The following SLC5A11 variants were observed in gnomAD, a reference collection of about 807,000 sequenced individuals.
SLC5A11 encodes sodium/myo-inositol cotransporter 2.
SLC5A11 carries 48 observed loss-of-function variants against 69.8 expected under a neutral mutation model. The ratio of observed to expected loss-of-function variants is 0.69; its 90% CI spans 0.55 to 0.87. SLC5A11 has a LOEUF of 0.87. Among genes scored for constraint, SLC5A11 ranks in the 40% least tolerant of loss-of-function variants. SLC5A11 has a pLI of 0.00. For synonymous variants in SLC5A11, 319 were observed against 342.4 expected (o/e 0.93, Z 0.75); for missense variants, 784 against 866.1 (o/e 0.91, Z 1.19).
intron 7 of SLC5A11, among the ~76,000 whole-genome samples, chr16:24,878,056 G>A (rs2047798981): frequency 6.6e-6 from 1 of 152,210 alleles, no homozygotes; most frequent in South Asian, 2.1e-4. Context: ...AGGAGGCTGA[G>A]GCAGGAGAAT....
At chr16:24,861,523 G>A (rs565700583) in intron 2 of SLC5A11, among the ~76,000 whole-genome samples, 33 of 148,538 alleles carry the variant, frequency 2.2e-4, no homozygotes, top group African/African-American at 7.9e-4. Context: ...GGAAGGAAGG[G>A]AAGGGAAGGG....
chr16:24,876,566 A>G (rs2047689082), intron 6 of SLC5A11, among the ~76,000 whole-genome samples: 1 of 152,052 alleles, frequency 6.6e-6, no homozygotes, highest in Non-Finnish European at 1.5e-5. Flanking sequence ...GTCCTATGGG[A>G]AGGGGTGAGG....
intron 7 of SLC5A11, among the ~76,000 whole-genome samples, chr16:24,881,871 G>A (rs532325683): frequency 9.2e-5 from 14 of 152,256 alleles, no homozygotes; most frequent in Non-Finnish European, 1.5e-4. Context: ...TGGAGAAAAG[G>A]GCAGGGACCA....
chr16:24,850,878 T>G (rs1013688307), intron 1 of SLC5A11, among the ~76,000 whole-genome samples: 1 of 151,900 alleles, frequency 6.6e-6, no homozygotes, highest in Admixed American at 6.6e-5. Flanking sequence ...TGGTGAAATT[T>G]CAGCTCACTG....
rs750151143 is a variant in SLC5A11, at chr16:24,884,148, G to A, written c.664+17G>A. On this transcript the variant is annotated intron_variant, in intron 8 of 15. Coordinates refer to ENST00000347898, the Ensembl canonical transcript of SLC5A11. Reference sequence around the variant, plus strand: ...TGGGCTACAGTAAGTGGGGTCCCCGGGTCACTGGGGCGGACAACAGCACCT... The same window carrying A: ...TGGGCTACAGTAAGTGGGGTCCCCGAGTCACTGGGGCGGACAACAGCACCT... 6.2e-7 allele frequency: 1 copy of A among 1,613,022 alleles called. No individual in the cohort carries two copies. Among genetic ancestry groups the A allele is most frequent in the South Asian group, 1.1e-5 (1 of 91,032 alleles).
chr16:24,911,530 T>C, exon 16 of SLC5A11: 1 of 1,614,104 alleles, frequency 6.2e-7, no homozygotes, highest in East Asian at 2.2e-5. Context: ...GCTATTTTGC[T>C]TAGTGTGGGG....
At chr16:24,909,222 CA>C in intron 14 of SLC5A11, 126 bp downstream of exon 15, 1 of 929,226 alleles carries the variant, frequency 1.1e-6, no homozygotes, top group Non-Finnish European at 1.6e-6. Context: ...GGTTGAGGTT[CA>C]GGGGCAGGAT....
At chr16:24,857,106 CA>C (rs2059569738) in intron 1 of SLC5A11, among the ~76,000 whole-genome samples, 1 of 152,218 alleles carries the variant, frequency 6.6e-6, no homozygotes, top group Admixed American at 6.5e-5. Context: ...AGGCATGAGC[CA>C]CTGAGCCCGG....
chr16:24,874,491 G>A (rs1236462729), intron 5 of SLC5A11, among the ~76,000 whole-genome samples: 2 of 152,122 alleles, frequency 1.3e-5, no homozygotes, highest in Non-Finnish European at 2.9e-5. Context: ...GCGTATCCTT[G>A]GTTACATTTT....
At chr16:24,909,329 C>A (rs2050317637) in intron 14 of SLC5A11, among the ~76,000 whole-genome samples, 1 of 152,096 alleles carries the variant, frequency 6.6e-6, no homozygotes, top group Non-Finnish European at 1.5e-5. Flanking sequence ...GAGATACATC[C>A]TCTTTTACTG....
intron 1 of SLC5A11, among the ~76,000 whole-genome samples, chr16:24,857,896 G>A (rs1030764829): frequency 6.6e-6 from 1 of 152,214 alleles, no homozygotes; most frequent in Non-Finnish European, 1.5e-5. Flanking sequence ...TCTACCACAA[G>A]ATTTCCTTAA....
intron 3 of SLC5A11, among the ~76,000 whole-genome samples, chr16:24,867,490 A>G (rs2046989255): frequency 6.6e-6 from 1 of 152,108 alleles, no homozygotes; most frequent in Non-Finnish European, 1.5e-5. Flanking sequence ...AACCCAAAGC[A>G]AGCAGACAGA....
intron 1 of SLC5A11, among the ~76,000 whole-genome samples, chr16:24,847,732 A>G (rs1486382555): frequency 6.6e-6 from 1 of 152,238 alleles, no homozygotes; most frequent in African/African-American, 2.4e-5. Flanking sequence ...CCCATTGGGC[A>G]TCCTGCAGAT....
chr16:24,874,068 C>A (rs1036482607), intron 5 of SLC5A11, among the ~76,000 whole-genome samples: 1 of 152,180 alleles, frequency 6.6e-6, no homozygotes, highest in African/African-American at 2.4e-5. Context: ...CTCAGGTGAT[C>A]CACCCACCTC....
intron 10 of SLC5A11, among the ~76,000 whole-genome samples, chr16:24,900,817 C>T (rs36080968): frequency 0.091 from 13,685 of 150,890 alleles, 844 homozygotes; most frequent in East Asian, 0.19. Flanking sequence ...ACTTGGGAAA[C>T]TGAGGCAGGA....
chr16:24,849,593 A>ATATATATATATATATAT (rs61292571), intron 1 of SLC5A11, among the ~76,000 whole-genome samples: 2 of 35,912 alleles, frequency 5.6e-5, no homozygotes, highest in African/African-American at 9.2e-5. Flanking sequence ...AAAAAAAAAA[A>ATATATATATATATATAT]ATATATATAT....
intron 1 of SLC5A11, among the ~76,000 whole-genome samples, chr16:24,854,515 C>T (rs1347278216): frequency 6.6e-6 from 1 of 151,936 alleles, no homozygotes; most frequent in Admixed American, 6.6e-5. Context: ...CTGCAACCTC[C>T]GCCTCCCGGG....
Position 24,884,147 on chromosome 16 carries a change from G to A in SLC5A11, c.664+16G>A, listed in dbSNP as rs998108137. On this transcript the variant is annotated intron_variant, in intron 8 of 15. Coordinates refer to ENST00000347898, the Ensembl canonical transcript of SLC5A11. ...ATGGGCTACAGTAAGTGGGGTCCCC[G>A]GGTCACTGGGGCGGACAACAGCACC... 4 of 1,612,900 alleles carry A rather than the reference G, an allele frequency of 2.5e-6. No individual in the cohort carries two copies. The highest frequency in any genetic ancestry group is 3.3e-4 in the Middle Eastern group (2 of 6,062).
intron 1 of SLC5A11, among the ~76,000 whole-genome samples, chr16:24,857,456 G>T (rs767676308): frequency 2.6e-5 from 4 of 152,186 alleles, no homozygotes; most frequent in African/African-American, 7.2e-5. Flanking sequence ...AGTTACAGAG[G>T]TTAGAAGTTC....
Sources: gnomAD v4.1 joint callset for allele counts (sites outside exome capture counted in the v4.1 genomes callset) on GRCh38, gnomAD v4.1.1 for gene constraint, MANE v1.5 for transcripts, NCBI Gene and HGNC (gene_info 2026-07-23, HGNC 2026-07-21) for gene names.